SUPT3H: variants seen among roughly 807,000 people sequenced by gnomAD.
The protein encoded by SUPT3H is SPT3 homolog, SAGA and STAGA complex component.
Under a neutral mutation model 44.3 loss-of-function variants are expected in SUPT3H, and 44 were observed. That is an observed-to-expected ratio of 0.99 (90% CI 0.78 to 1.28). The LOEUF is 1.28. Ranked by LOEUF, SUPT3H falls within the 50% of genes most tolerant of loss-of-function variation. The probability of loss-of-function intolerance (pLI) is 0.00; values close to 1 mark genes in which losing one functional copy is unlikely to be tolerated. For missense variants in SUPT3H, 380 were observed against 387.1 expected (o/e 0.98, Z 0.15); for synonymous variants, 124 against 125.6 (o/e 0.99, Z 0.09).
In SUPT3H at chr6:44,837,996, G is replaced by T. The variant is rs536879482; in HGVS notation, c.913-8139C>A. 2.6e-5 allele frequency among the ~76,000 whole-genome samples: 4 copies of T among 152,258 alleles called. No homozygotes were observed. The South Asian group carries it at 8.3e-4, about 32-fold the overall frequency. ...CATTAAAACACCATACAAGGAGTAA[G>T]AACACAGATAGCAATAGCTGTTTGC... On this transcript the variant is annotated intron_variant, in intron 10 of 10. Transcript: ENST00000371459.
chr6:45,134,256 C>T (rs1803930272), intron 2 of SUPT3H, among the ~76,000 whole-genome samples: 1 of 152,010 alleles, frequency 6.6e-6, no homozygotes, highest in Non-Finnish European at 1.5e-5. Context: ...GGTAACTAAT[C>T]CACTCCAATA....
chr6:45,220,826 G>A (rs562673794), intron 2 of SUPT3H, among the ~76,000 whole-genome samples: 2 of 152,264 alleles, frequency 1.3e-5, no homozygotes, highest in African/African-American at 4.8e-5. Context: ...GATTCCTCAA[G>A]GATCTAGAAC....
chr6:45,213,362 GA>G (rs1437182074), intron 2 of SUPT3H, among the ~76,000 whole-genome samples: 1 of 151,784 alleles, frequency 6.6e-6, no homozygotes, highest in East Asian at 1.9e-4. Flanking sequence ...AATTTAATAT[GA>G]AAAAAAGAAT....
intron 2 of SUPT3H, among the ~76,000 whole-genome samples, chr6:45,131,863 T>C (rs1369457607): frequency 1.3e-5 from 2 of 152,164 alleles, no homozygotes; most frequent in Admixed American, 1.3e-4. Flanking sequence ...GGGTTTACAA[T>C]AGCCCCCCTT....
intron 10 of SUPT3H, among the ~76,000 whole-genome samples, chr6:44,844,046 T>C (rs1007994000): frequency 3.3e-5 from 5 of 151,882 alleles, no homozygotes; most frequent in Admixed American, 2.6e-4. Flanking sequence ...TTGGCACAGA[T>C]AGAAATGCAG....
At chr6:44,847,958 CTTTTT>C (rs969869912) in intron 10 of SUPT3H, among the ~76,000 whole-genome samples, 1 of 58,350 alleles carries the variant, frequency 1.7e-5, no homozygotes, top group Non-Finnish European at 3.3e-5. Context: ...ATCTCTGTGT[CTTTTT>C]TTTTTTTTTT....
At chr6:44,912,651 T>G (rs960926503) in intron 10 of SUPT3H, among the ~76,000 whole-genome samples, 9 of 152,208 alleles carry the variant, frequency 5.9e-5, no homozygotes, top group Non-Finnish European at 1.3e-4. Flanking sequence ...AGATTCTTGA[T>G]TATTCCAGTT....
intron 2 of SUPT3H, among the ~76,000 whole-genome samples, chr6:45,184,553 T>G (rs1164029148): frequency 6.6e-6 from 1 of 151,940 alleles, no homozygotes; most frequent in Non-Finnish European, 1.5e-5. Context: ...GCCCCAGAGC[T>G]CCCAGGTCAT....
chr6:44,928,969 C>G (rs1316741831), intron 10 of SUPT3H, among the ~76,000 whole-genome samples: 2 of 150,852 alleles, frequency 1.3e-5, no homozygotes, highest in Non-Finnish European at 3.0e-5. Context: ...TTGTTAACCA[C>G]TGAGTGGGGA....
chr6:44,915,542 T>C (rs957818934), intron 10 of SUPT3H, among the ~76,000 whole-genome samples: 1 of 152,084 alleles, frequency 6.6e-6, no homozygotes, highest in African/African-American at 2.4e-5. Flanking sequence ...TGATGGGAAG[T>C]GGGGGTTGGA....
intron 10 of SUPT3H, among the ~76,000 whole-genome samples, chr6:44,838,671 C>G (rs574233290): frequency 1.2e-4 from 18 of 152,114 alleles, no homozygotes; most frequent in Middle Eastern, 3.2e-3. Flanking sequence ...AAATTCAGGT[C>G]CGAGATACTC....
intron 9 of SUPT3H, among the ~76,000 whole-genome samples, chr6:44,951,214 C>T (rs1194927405): frequency 6.8e-6 from 1 of 146,356 alleles, no homozygotes; most frequent in Admixed American, 6.8e-5. Context: ...TCTCTAAAGT[C>T]TTTGACTGCA....
intron 2 of SUPT3H, among the ~76,000 whole-genome samples, chr6:45,310,346 C>T (rs1783745526): frequency 6.6e-6 from 1 of 152,108 alleles, no homozygotes; most frequent in African/African-American, 2.4e-5. Context: ...CCCTAGGAAA[C>T]CTGGTAGCCA....
In SUPT3H at chr6:44,905,150, A is replaced by C. The variant is rs1382755864; in HGVS notation, c.912+27503T>G. ...CTAAAACACCAAAAGCAATGGCAAC[A>C]GAAGCCAAAATTGACAAATGGGATC... On this transcript the variant is annotated intron_variant, in intron 10 of 10. Coordinates refer to ENST00000371459, the MANE Select transcript of SUPT3H (RefSeq NM_003599.4). 1.7e-4 allele frequency among the ~76,000 whole-genome samples: 26 copies of C among 152,154 alleles called. No homozygotes were observed. In the South Asian group the frequency reaches 1.9e-3, roughly 11 times the overall value.
Position 44,868,300 on chromosome 6 carries a change from C to CATA in SUPT3H, c.913-38444_913-38443insTAT, listed in dbSNP as rs1174804560. Among the ~76,000 whole-genome samples, 20 of 152,220 alleles carry CATA rather than the reference C, an allele frequency of 1.3e-4. No individual in the cohort carries two copies. The East Asian group carries it at 3.7e-3, about 28-fold the overall frequency. ...GTAGGTATTTGGACCATGCTGGAAG[C>CATA]AAACAGAATAAAACCCCAGGAAAAC... On this transcript the variant is annotated intron_variant, in intron 10 of 10. Transcript: ENST00000371459.
intron 5 of SUPT3H, among the ~76,000 whole-genome samples, chr6:45,012,017 T>A (rs1783557043): frequency 6.6e-6 from 1 of 151,960 alleles, no homozygotes; most frequent in South Asian, 2.1e-4. Flanking sequence ...GATTGCTATG[T>A]TGATGAGAAG....
intron 3 of SUPT3H, among the ~76,000 whole-genome samples, chr6:45,043,138 CACAT>C (rs140421935): frequency 2.2e-5 from 2 of 90,330 alleles, no homozygotes; most frequent in East Asian, 2.9e-4. Flanking sequence ...CTTACATACA[CACAT>C]ACACACACAC....
At chr6:44,811,558 A>G (rs1766525405) in intron 11 of SUPT3H, among the ~76,000 whole-genome samples, 1 of 152,372 alleles carries the variant, frequency 6.6e-6, no homozygotes, top group East Asian at 1.9e-4. Context: ...AAATGTATGC[A>G]GATGTGGAAG....
At chr6:44,928,033 A>G (rs1769810551) in intron 10 of SUPT3H, among the ~76,000 whole-genome samples, 1 of 152,222 alleles carries the variant, frequency 6.6e-6, no homozygotes, top group Non-Finnish European at 1.5e-5. Flanking sequence ...CTTAAATCCT[A>G]TTATGAAGTA....
Sources: allele counts gnomAD v4.1 joint callset (sites outside exome capture counted in the v4.1 genomes callset), GRCh38; gene constraint gnomAD v4.1.1; transcripts MANE v1.5; gene names NCBI Gene and HGNC (gene_info 2026-07-23, HGNC 2026-07-21).